KDM4C: variants seen among roughly 807,000 people sequenced by gnomAD.
KDM4C encodes the protein lysine demethylase 4C.
A neutral mutation model predicts 129.3 loss-of-function variants in KDM4C; 81 were observed. The ratio of observed to expected loss-of-function variants is 0.63; its 90% CI spans 0.52 to 0.75. The LOEUF is 0.75. KDM4C is among the 30% of genes least tolerant of loss of function. KDM4C has a pLI of 0.00. For synonymous variants in KDM4C, 573 were observed against 456.1 expected (o/e 1.26, Z -3.26); for missense variants, 1,457 against 1,304.0 (o/e 1.12, Z -1.81).
At chr9:6,928,969 T>C (rs1344001713) in intron 8 of KDM4C, among the ~76,000 whole-genome samples, 2 of 152,214 alleles carry the variant, frequency 1.3e-5, no homozygotes, top group East Asian at 1.9e-4. Context: ...CCTTGTGCTT[T>C]AGTAAAACCA....
intron 2 of KDM4C, among the ~76,000 whole-genome samples, chr9:6,799,496 G>C (rs943723190): frequency 1.3e-5 from 2 of 151,238 alleles, no homozygotes; most frequent in Non-Finnish European, 2.9e-5. Context: ...GGAGGTTGCA[G>C]TGAGCCAAGA....
rs1820101978 is a variant in KDM4C at position 6,763,929 on chromosome 9, G to C, written c.-18+5726G>C. Among the ~76,000 whole-genome samples, 3 of 152,080 alleles carry C rather than the reference G, an allele frequency of 2.0e-5. No homozygotes were observed. In the South Asian group the frequency reaches 6.2e-4, roughly 31 times the overall value. ...TGCGCTACCACGCCCAGCTAATTTT[G>C]TGTTTTTAGTAGAGACGGAGGGTTT... On this transcript the variant is annotated intron_variant, in intron 1 of 21. Transcript: ENST00000381309.
At chr9:6,938,299 A>G (rs958195280) in intron 8 of KDM4C, among the ~76,000 whole-genome samples, 4 of 152,150 alleles carry the variant, frequency 2.6e-5, no homozygotes, top group Non-Finnish European at 4.4e-5. Flanking sequence ...ACTTATTCCC[A>G]TGGTATAAGC....
At chr9:7,030,769 T>C (rs1021566163) in intron 15 of KDM4C, among the ~76,000 whole-genome samples, 3 of 152,226 alleles carry the variant, frequency 2.0e-5, no homozygotes, top group Non-Finnish European at 4.4e-5. Context: ...TTATGCTTGA[T>C]AGTAATATAG....
At chr9:7,150,237 G>C (rs1418642583) in intron 19 of KDM4C, among the ~76,000 whole-genome samples, 1 of 152,198 alleles carries the variant, frequency 6.6e-6, no homozygotes, top group Non-Finnish European at 1.5e-5. Flanking sequence ...TTTAAGGCCT[G>C]TATTATTGCT....
At chr9:7,000,331 G>A (rs1404347364) in intron 12 of KDM4C, among the ~76,000 whole-genome samples, 1 of 152,102 alleles carries the variant, frequency 6.6e-6, no homozygotes, top group African/African-American at 2.4e-5. Context: ...TTTATGTGAT[G>A]CTGTTGCTTT....
At chr9:7,024,339 A>T (rs2132288166) in intron 15 of KDM4C, among the ~76,000 whole-genome samples, 1 of 146,610 alleles carries the variant, frequency 6.8e-6, no homozygotes, top group African/African-American at 2.5e-5. Context: ...TGAATTTTTA[A>T]AATTATTATT....
chr9:6,934,091 G>A (rs1428504856), intron 8 of KDM4C, among the ~76,000 whole-genome samples: 1 of 152,014 alleles, frequency 6.6e-6, no homozygotes. Flanking sequence ...GATCTCAAGT[G>A]ATCCGCCTGC....
At position 7,150,156 on chromosome 9, in the gene KDM4C, G is replaced by A. The variant is rs530104197; in HGVS notation, c.2782-15082G>A. ...CAAACGAAATCAGGTTGACAATGCCGGAGCCCCAAACAGTGGTCCCCACAG... is the reference window on the plus strand; with the variant it reads ...CAAACGAAATCAGGTTGACAATGCCAGAGCCCCAAACAGTGGTCCCCACAG... On this transcript the variant is annotated intron_variant, in intron 19 of 21. Transcript: ENST00000381309. Among the ~76,000 whole-genome samples the A allele has an allele frequency of 4.6e-5, 7 of 152,326 alleles. No individual in the cohort carries two copies. In the East Asian group the frequency reaches 5.8e-4, roughly 13 times the overall value.
chr9:6,770,766 CCTT>C (rs2130609262), intron 1 of KDM4C, among the ~76,000 whole-genome samples: 1 of 102,046 alleles, frequency 9.8e-6, no homozygotes, highest in East Asian at 2.6e-4. Flanking sequence ...CGATTTTGAT[CCTT>C]TTTTTTTTTT....
intron 3 of KDM4C, among the ~76,000 whole-genome samples, chr9:6,812,682 C>G (rs912729063): frequency 6.6e-6 from 1 of 152,168 alleles, no homozygotes; most frequent in Non-Finnish European, 1.5e-5. Flanking sequence ...CTGTTCCTAA[C>G]AGGCCGCGGA....
At chr9:6,794,944 T>A (rs764204805) in intron 2 of KDM4C, among the ~76,000 whole-genome samples, 4 of 152,194 alleles carry the variant, frequency 2.6e-5, no homozygotes, top group Admixed American at 2.6e-4. Flanking sequence ...ATAATGTAAG[T>A]CTATTTTAAT....
intron 15 of KDM4C, among the ~76,000 whole-genome samples, chr9:7,033,723 T>A (rs757502831): frequency 6.6e-6 from 1 of 152,230 alleles, no homozygotes; most frequent in Non-Finnish European, 1.5e-5. Context: ...AGTGGAACTG[T>A]ATTCATAAAT....
At chr9:6,850,061 A>C (rs951621672) in intron 5 of KDM4C, among the ~76,000 whole-genome samples, 1 of 152,258 alleles carries the variant, frequency 6.6e-6, no homozygotes, top group South Asian at 2.1e-4. Context: ...AATTGCCTAC[A>C]ATATTTAGTT....
At chr9:6,899,564 T>TGG (rs1817041304) in intron 8 of KDM4C, among the ~76,000 whole-genome samples, 1 of 151,832 alleles carries the variant, frequency 6.6e-6, no homozygotes, top group Admixed American at 6.6e-5. Context: ...TGTGTGTGTG[T>TGG]GTGTGTTTAA....
At chr9:6,974,779 A>G (rs562586009) in intron 8 of KDM4C, 2 of 152,342 alleles carry the variant, frequency 1.3e-5, no homozygotes, top group South Asian at 2.1e-4. Context: ...TATCATCCAT[A>G]TAAACTGTGA....
intron 4 of KDM4C, among the ~76,000 whole-genome samples, chr9:6,829,110 G>A (rs896719707): frequency 3.3e-5 from 5 of 152,220 alleles, no homozygotes; most frequent in Non-Finnish European, 7.3e-5. Flanking sequence ...TGGTTAGCTT[G>A]AGAGTCATGA....
At chr9:6,803,527 G>A (rs1402625197) in intron 2 of KDM4C, among the ~76,000 whole-genome samples, 2 of 151,070 alleles carry the variant, frequency 1.3e-5, no homozygotes, top group African/African-American at 2.4e-5. Flanking sequence ...CCGAGATTGG[G>A]CCATTGGAGT....
intron 15 of KDM4C, among the ~76,000 whole-genome samples, chr9:7,031,457 G>T (rs1187487208): frequency 6.6e-6 from 1 of 151,994 alleles, no homozygotes; most frequent in Admixed American, 6.6e-5. Flanking sequence ...CATTGCACCT[G>T]GCCAGTTTTT....
Sources: gnomAD v4.1 joint callset for allele counts (sites outside exome capture counted in the v4.1 genomes callset) on GRCh38, gnomAD v4.1.1 for gene constraint, MANE v1.5 for transcripts, NCBI Gene and HGNC (gene_info 2026-07-23, HGNC 2026-07-21) for gene names.